Variants in ABCA13 observed in about 807,000 individuals in gnomAD.
The protein encoded by ABCA13 is ATP binding cassette subfamily A member 13.
A neutral mutation model predicts 478.7 loss-of-function variants in ABCA13; 476 were observed. The observed-to-expected ratio is 0.99, with a 90% CI of 0.92 to 1.07. The LOEUF is 1.07. Ranked by LOEUF, ABCA13 falls within the 50% of genes least tolerant of loss-of-function variation. ABCA13 has a pLI of 0.00. For missense variants in ABCA13, 6,060 were observed against 5,910.6 expected (o/e 1.03, Z -0.83); for synonymous variants, 2,252 against 2,158.9 (o/e 1.04, Z -1.20).
chr7:48,263,785 G>A (rs1794507793), intron 15 of ABCA13, among the ~76,000 whole-genome samples: 1 of 151,822 alleles, frequency 6.6e-6, no homozygotes, highest in Admixed American at 6.6e-5. Context: ...TGGATACATA[G>A]TAGGCATGTA....
At chr7:48,376,996 G>T (rs1205157338) in intron 35 of ABCA13, among the ~76,000 whole-genome samples, 1 of 152,100 alleles carries the variant, frequency 6.6e-6, no homozygotes, top group East Asian at 1.9e-4. Context: ...GTGGCAGGTC[G>T]GTGCATGGCA....
chr7:48,302,596 A>T (rs1163774026), intron 23 of ABCA13, among the ~76,000 whole-genome samples: 1 of 152,110 alleles, frequency 6.6e-6, no homozygotes, highest in East Asian at 1.9e-4. Context: ...AATTTGCAGT[A>T]TTTCATTTTC....
intron 28 of ABCA13, among the ~76,000 whole-genome samples, chr7:48,335,884 A>G (rs1806181745): frequency 6.6e-6 from 1 of 152,168 alleles, no homozygotes; most frequent in Admixed American, 6.5e-5. Context: ...TGATAACTTA[A>G]TATTTTTAAA....
At chr7:48,281,012 A>G (rs1220284229) in intron 18 of ABCA13, among the ~76,000 whole-genome samples, 1 of 152,198 alleles carries the variant, frequency 6.6e-6, no homozygotes, top group African/African-American at 2.4e-5. Context: ...GAGGGAGTTT[A>G]TACCTTAGCT....
intron 3 of ABCA13, 22 bp downstream of exon 3, chr7:48,198,382 T>C: frequency 1.2e-6 from 2 of 1,611,858 alleles, no homozygotes; most frequent in East Asian, 2.2e-5. Flanking sequence ...ACAAAGATCT[T>C]TTTCAGAAAT....
At chr7:48,267,531 A>G (rs562597748) in intron 15 of ABCA13, among the ~76,000 whole-genome samples, 1 of 152,222 alleles carries the variant, frequency 6.6e-6, no homozygotes, top group Admixed American at 6.5e-5. Flanking sequence ...TGCATTTCTT[A>G]CAAGTAGCAT....
At chr7:48,217,356 A>T (rs1001074715) in intron 3 of ABCA13, among the ~76,000 whole-genome samples, 9 of 152,188 alleles carry the variant, frequency 5.9e-5, no homozygotes, top group African/African-American at 2.2e-4. Flanking sequence ...AATTAACAAA[A>T]ATTGTAATAG....
intron 55 of ABCA13, among the ~76,000 whole-genome samples, chr7:48,578,642 A>G (rs1197253458): frequency 6.6e-6 from 1 of 152,172 alleles, no homozygotes; most frequent in Admixed American, 6.5e-5. Flanking sequence ...CCTGAATGTT[A>G]GGTTTAACAC....
intron 42 of ABCA13, among the ~76,000 whole-genome samples, chr7:48,441,165 A>G (rs565931211): frequency 1.3e-5 from 2 of 152,290 alleles, no homozygotes; most frequent in South Asian, 4.1e-4. Flanking sequence ...AGTCCAGTTT[A>G]TGTTACTTAG....
intron 10 of ABCA13, among the ~76,000 whole-genome samples, chr7:48,244,184 G>A (rs1037528027): frequency 3.9e-5 from 6 of 152,118 alleles, no homozygotes; most frequent in East Asian, 3.8e-4. Context: ...GATGGGTCCT[G>A]TATACCATCA....
At chr7:48,393,344 C>A (rs1294190232) in intron 38 of ABCA13, among the ~76,000 whole-genome samples, 9 of 152,170 alleles carry the variant, frequency 5.9e-5, no homozygotes, top group Admixed American at 3.9e-4. Context: ...CCTCCTGGGG[C>A]TAGTGCTGCA....
chr7:48,249,220 A>G lies in ABCA13; in HGVS notation c.1874A>G (p.His625Arg), dbSNP rs748343470. The change falls in exon 15 of 62, where the codon CAT (histidine) becomes CGT (arginine). Residue 625 changes from histidine to arginine, a missense_variant. This residue lies in a region of ABCA13 where 4,423 missense variants were observed against 4,309.1 expected (regional missense o/e 1.03). Transcript: ENST00000435803. Reference sequence around the variant, plus strand: ...ATTCTTTTTGATTGCAGGATATTTCATACACTTGAAAAAACACAATTTTTC... The same window carrying G: ...ATTCTTTTTGATTGCAGGATATTTCGTACACTTGAAAAAACACAATTTTTC... The part of the protein sequence containing the change: ...KHQLVSTVIF[H>R]TLEKTQFFLE... The G allele has an allele frequency of 1.2e-5, 19 of 1,610,826 alleles. No individual in the cohort carries two copies. Among genetic ancestry groups the G allele is most frequent in the Non-Finnish European group, 1.6e-5 (19 of 1,178,010 alleles).
intron 58 of ABCA13, among the ~76,000 whole-genome samples, chr7:48,602,634 G>C (rs1791027996): frequency 6.6e-6 from 1 of 152,122 alleles, no homozygotes; most frequent in Non-Finnish European, 1.5e-5. Flanking sequence ...TAGCTTTGTA[G>C]TATAGTTTGA....
chr7:48,265,149 C>T (rs1390989050), intron 15 of ABCA13, among the ~76,000 whole-genome samples: 1 of 151,544 alleles, frequency 6.6e-6, no homozygotes, highest in Non-Finnish European at 1.5e-5. Context: ...TTCTATTTGT[C>T]CATCTTTATA....
At chr7:48,191,178 A>G (rs1797054202) in intron 1 of ABCA13, among the ~76,000 whole-genome samples, 1 of 152,242 alleles carries the variant, frequency 6.6e-6, no homozygotes, top group Non-Finnish European at 1.5e-5. Flanking sequence ...ATTACAAAGA[A>G]TGACCAAAAT....
At chr7:48,482,931 G>A (rs1346238966) in intron 46 of ABCA13, 145 bp from the exon 47 acceptor site, 5 of 600,566 alleles carry the variant, frequency 8.3e-6, no homozygotes, top group African/African-American at 5.6e-5. Context: ...CTGTCTGCCT[G>A]TGTGTTCATG....
rs561889811 is a variant in ABCA13, at chr7:48,606,679, G to A, written c.14745-8606G>A. On this transcript the variant is annotated intron_variant, in intron 58 of 61. Coordinates refer to ENST00000435803, the MANE Select transcript of ABCA13 (RefSeq NM_152701.5). Reference sequence around the variant, plus strand: ...CTACCGGGAGCTATCTCCCAGTCAGGATACACAGGGGTCAGAGACCCACTT... The same window carrying A: ...CTACCGGGAGCTATCTCCCAGTCAGAATACACAGGGGTCAGAGACCCACTT... Among the ~76,000 whole-genome samples, 19 of 152,272 alleles carry A rather than the reference G, an allele frequency of 1.2e-4. No individual in the cohort carries two copies. In the South Asian group the frequency reaches 3.9e-3, roughly 32 times the overall value.
chr7:48,292,593 G>T (rs750611270), intron 20 of ABCA13, among the ~76,000 whole-genome samples: 21 of 152,108 alleles, frequency 1.4e-4, no homozygotes, highest in Admixed American at 7.2e-4. Flanking sequence ...CTCTCCTTCT[G>T]CCCTCCCCGG....
At chr7:48,473,367 G>A (rs1452723056) in intron 45 of ABCA13, among the ~76,000 whole-genome samples, 1 of 152,128 alleles carries the variant, frequency 6.6e-6, no homozygotes, top group East Asian at 1.9e-4. Context: ...GCTCACTGGG[G>A]CCCACTGTAT....
Sources: gnomAD v4.1 joint callset for allele counts (sites outside exome capture counted in the v4.1 genomes callset) on GRCh38, gnomAD v4.1.1 for gene constraint, gnomAD v4.1.1 regional missense constraint, MANE v1.5 for transcripts, NCBI Gene and HGNC (gene_info 2026-07-23, HGNC 2026-07-21) for gene names.